CCDC175: variants seen among roughly 807,000 people sequenced by gnomAD.
CCDC175 encodes coiled-coil domain containing 175, also known as coiled-coil domain-containing protein 175.
CCDC175 carries 100 observed loss-of-function variants against 114.6 expected under a neutral mutation model. The observed-to-expected ratio is 0.87, with a 90% CI of 0.74 to 1.03. The LOEUF is 1.03. Ranked by LOEUF, CCDC175 falls within the 50% of genes least tolerant of loss-of-function variation. The pLI is 0.00. For missense variants in CCDC175, 880 were observed against 917.8 expected (o/e 0.96, Z 0.53); for synonymous variants, 306 against 308.7 (o/e 0.99, Z 0.09).
intron 7 of CCDC175, 69 bp downstream of exon 7, chr14:59,561,050 A>T (rs1896198017): frequency 1.4e-6 from 1 of 704,514 alleles, no homozygotes; most frequent in Non-Finnish European, 2.3e-6. Flanking sequence ...AAAACATAGC[A>T]TATTAACTAT....
In CCDC175 at chr14:59,538,008, C is replaced by T. The variant is rs573244574; in HGVS notation, c.1623+15G>A. On this transcript the variant is annotated intron_variant, in intron 13 of 19. Coordinates refer to ENST00000537690, the MANE Select transcript of CCDC175 (RefSeq NM_001164399.2). ...AGTCATCCAAAAGTATTCTTAGATG[C>T]AAAATAAAATTTACCTCATACTTGC... The T allele has an allele frequency of 2.0e-6, 3 of 1,505,718 alleles. No individual in the cohort carries two copies. Among genetic ancestry groups the T allele is most frequent in the South Asian group, 1.2e-5 (1 of 82,320 alleles). The allele number at this position is 1,505,718 out of a possible 1,614,324, so 93.3% of individuals were successfully genotyped here.
chr14:59,567,292 A>G (rs1440885766), intron 4 of CCDC175, among the ~76,000 whole-genome samples: 1 of 152,192 alleles, frequency 6.6e-6, no homozygotes, highest in African/African-American at 2.4e-5. Context: ...TTATGTAATC[A>G]TGAACTTTCT....
chr14:59,552,498 T>C (rs1029671296), intron 7 of CCDC175, among the ~76,000 whole-genome samples: 10 of 152,150 alleles, frequency 6.6e-5, no homozygotes, highest in Admixed American at 2.0e-4. Flanking sequence ...CAAAGGTAGA[T>C]AAAACCACAA....
intron 19 of CCDC175, 34 bp from the exon 20 acceptor site, chr14:59,505,349 T>C (rs1260956534): frequency 2.5e-6 from 3 of 1,218,404 alleles, no homozygotes; most frequent in Non-Finnish European, 3.4e-6. Flanking sequence ...AAAAATTTTA[T>C]TTGTATTGCA....
Position 59,510,753 on chromosome 14 carries a change from T to C in CCDC175, c.2198A>G (p.Lys733Arg). 2 of 1,537,412 alleles carry C rather than the reference T, an allele frequency of 1.3e-6. No individual in the cohort carries two copies. The highest frequency in any genetic ancestry group is 1.7e-6 in the Non-Finnish European group (2 of 1,146,922). Residue 733 changes from lysine to arginine, a missense_variant, in exon 19 of 20, where the codon AAG becomes AGG. Coordinates refer to ENST00000537690, the MANE Select transcript of CCDC175 (RefSeq NM_001164399.2). ...TLQDINNLTD[K>R]LRERDEKMQH... ...CATTTTTTCATCTCTTTCACGCAGC[T>C]TGTCTGTTAGATTGTTTATGTCTTG...
In CCDC175 at chr14:59,551,384, T is replaced by C. The variant is rs370217762; in HGVS notation, c.1006A>G (p.Lys336Glu). 1.4e-6 allele frequency: 2 copies of C among 1,456,116 alleles called. No individual in the cohort carries two copies. The highest frequency in any genetic ancestry group is 2.0e-4 in the Middle Eastern group (1 of 5,100). The allele number at this position is 1,456,116 out of a possible 1,614,324, so 90.2% of individuals were successfully genotyped here. Residue 336 changes from lysine (K) to glutamate (E), a missense_variant, in exon 8 of 20, where the codon AAA becomes GAA. Transcript: ENST00000537690. Reference protein sequence around the residue: ...EKLDDISNDEKNEFLNKIKQL... With the variant: ...EKLDDISNDEENEFLNKIKQL... ...TTTATCTTGTTCAGGAATTCATTTT[T>C]TTCATCATTAGATATATCATCTAGT... is the stretch of plus-strand genomic sequence containing the variant.
intron 8 of CCDC175, among the ~76,000 whole-genome samples, chr14:59,550,763 C>T (rs886200692): frequency 2.0e-5 from 3 of 152,066 alleles, no homozygotes; most frequent in East Asian, 1.9e-4. Context: ...AGTCTTTTCA[C>T]GTTTTTCTGC....
rs537602718 is a variant in CCDC175 at position 59,556,819 on chromosome 14, A to C, written c.953+4300T>G. Among the ~76,000 whole-genome samples the C allele has an allele frequency of 2.1e-3, 319 of 152,344 alleles. 1 individual carries two copies. The highest frequency in any genetic ancestry group is 6.9e-3 in the African/African-American group (286 of 41,580). On this transcript the variant is annotated intron_variant, in intron 7 of 19. Coordinates refer to ENST00000537690, the MANE Select transcript of CCDC175 (RefSeq NM_001164399.2). ...AAGTGGGCAAAGTATATGAACAGACACTTCTCAAAAGAAGACATTTATGCA... is the reference window on the plus strand; with the variant it reads ...AAGTGGGCAAAGTATATGAACAGACCCTTCTCAAAAGAAGACATTTATGCA...
chr14:59,515,503 C>T (rs1893024332), intron 17 of CCDC175, among the ~76,000 whole-genome samples: 1 of 152,084 alleles, frequency 6.6e-6, no homozygotes, highest in South Asian at 2.1e-4. Flanking sequence ...CAAAAAAAGG[C>T]AGGGGTTGCA....
At chr14:59,516,500 C>T (rs1893094168) in intron 17 of CCDC175, among the ~76,000 whole-genome samples, 1 of 152,126 alleles carries the variant, frequency 6.6e-6, no homozygotes, top group African/African-American at 2.4e-5. Flanking sequence ...ACCACCGATC[C>T]CACAGAAATA....
intron 13 of CCDC175, among the ~76,000 whole-genome samples, chr14:59,533,644 G>C (rs1566608758): frequency 6.6e-6 from 1 of 152,140 alleles, no homozygotes; most frequent in Non-Finnish European, 1.5e-5. Context: ...TCATAATGCA[G>C]AAGCAGGAGT....
chr14:59,541,915 C>G (rs1005823118), intron 10 of CCDC175, among the ~76,000 whole-genome samples: 2 of 152,110 alleles, frequency 1.3e-5, no homozygotes, highest in Admixed American at 1.3e-4. Flanking sequence ...TCGTAGTTTT[C>G]CTTATGAAGC....
chr14:59,557,455 G>A (rs553876660), intron 7 of CCDC175, among the ~76,000 whole-genome samples: 48 of 141,470 alleles, frequency 3.4e-4, no homozygotes, highest in Non-Finnish European at 6.3e-4. Context: ...CTCACACACC[G>A]GGGCCTGTTG....
intron 17 of CCDC175, among the ~76,000 whole-genome samples, chr14:59,516,461 A>G (rs1006972281): frequency 2.0e-5 from 3 of 152,352 alleles, no homozygotes; most frequent in African/African-American, 7.2e-5. Context: ...AATCAAATAG[A>G]CGCAATAAAA....
chr14:59,516,092 A>T (rs1893066003), intron 17 of CCDC175, among the ~76,000 whole-genome samples: 1 of 152,242 alleles, frequency 6.6e-6, no homozygotes, highest in Non-Finnish European at 1.5e-5. Context: ...AAATGAAGGC[A>T]GAAATAAAGA....
chr14:59,566,886 C>T (rs1374673715), intron 4 of CCDC175, among the ~76,000 whole-genome samples: 2 of 152,160 alleles, frequency 1.3e-5, no homozygotes, highest in African/African-American at 2.4e-5. Context: ...TATTGCCTTT[C>T]CGTAAAGATT....
At chr14:59,566,887 C>T (rs1383395680) in intron 4 of CCDC175, among the ~76,000 whole-genome samples, 2 of 152,112 alleles carry the variant, frequency 1.3e-5, no homozygotes, top group Non-Finnish European at 2.9e-5. Context: ...ATTGCCTTTC[C>T]GTAAAGATTT....
intron 17 of CCDC175, among the ~76,000 whole-genome samples, chr14:59,515,769 G>C (rs549347970): frequency 0.012 from 1,801 of 152,180 alleles, 28 homozygotes; most frequent in African/African-American, 0.042. Flanking sequence ...GAGACAGAAA[G>C]TTAGCAAGAA....
intron 3 of CCDC175, among the ~76,000 whole-genome samples, chr14:59,571,821 T>C (rs939166634): frequency 2.0e-5 from 3 of 152,030 alleles, no homozygotes; most frequent in Non-Finnish European, 4.4e-5. Flanking sequence ...TGCATAAATA[T>C]ACAAAAAAAA....
Sources: gnomAD v4.1 joint callset for allele counts (sites outside exome capture counted in the v4.1 genomes callset) on GRCh38, gnomAD v4.1.1 for gene constraint, MANE v1.5 for transcripts, NCBI Gene and HGNC (gene_info 2026-07-23, HGNC 2026-07-21) for gene names.